Variants in HYPK observed in about 807,000 individuals in gnomAD.
HYPK encodes huntingtin-interacting protein K.
A neutral mutation model predicts 13.9 loss-of-function variants in HYPK; 9 were observed. The ratio of observed to expected loss-of-function variants is 0.65; its 90% CI spans 0.39 to 1.13. HYPK has a LOEUF of 1.13. HYPK is among the 50% of genes most tolerant of loss of function. The probability of loss-of-function intolerance (pLI) is 0.01; values close to 1 mark genes in which losing one functional copy is unlikely to be tolerated. For synonymous variants in HYPK, 76 were observed against 57.0 expected (o/e 1.33, Z -1.50); for missense variants, 138 against 157.6 (o/e 0.88, Z 0.67).
chr15:43,801,676 C>T (rs776739902), intron 3 of HYPK, 35 bp from the exon 4 acceptor site: 2 of 1,611,262 alleles, frequency 1.2e-6, no homozygotes, highest in Non-Finnish European at 1.7e-6. Flanking sequence ...CACATTAATG[C>T]CTGGGAACCT....
chr15:43,800,494 G>A, upstream of HYPK: 1 of 1,273,738 alleles, frequency 7.9e-7, no homozygotes, highest in Non-Finnish European at 1.1e-6. Context: ...CCTCCCTGAA[G>A]CTTCTAGAAC....
In HYPK at chr15:43,801,788, T is replaced by A; in HGVS notation, c.348T>A (p.Leu116=). ...REHMGNVVEA[L]IALTN Reference sequence around the variant, plus strand: ...ACATGGGCAACGTGGTAGAGGCGCTTATTGCCCTAACCAACTGATGCGTGC... The same window carrying A: ...ACATGGGCAACGTGGTAGAGGCGCTAATTGCCCTAACCAACTGATGCGTGC... Residue 116 remains leucine, a synonymous_variant, in exon 4 of 4, where the codon CTT becomes CTA. Coordinates refer to ENST00000442995, the MANE Select transcript of HYPK (RefSeq NM_016400.4). The A allele has an allele frequency of 6.2e-7, 1 of 1,614,212 alleles. No homozygotes were observed.
rs1405197948 is a variant in HYPK at position 43,802,141 on chromosome 15, A to G, written c.*335A>G. ...CATGTGTCTCCAAGACAGCTTATGA[A>G]TATCTAAAAGGCCAGCTACCTGCCT... On this transcript the variant is annotated 3_prime_UTR_variant, in exon 4 of 4. Transcript: ENST00000442995. 1.9e-5 allele frequency: 5 copies of G among 265,480 alleles called. No individual in the cohort carries two copies. Among genetic ancestry groups the G allele is most frequent in the Non-Finnish European group, 3.6e-5 (5 of 136,994 alleles). The allele number at this position is 265,480 out of a possible 1,614,324, so 16.4% of individuals were successfully genotyped here.
Position 43,803,788 on chromosome 15 carries a change from CAAAA to C in HYPK, c.*1999_*2002del, listed in dbSNP as rs35814039. Among the ~76,000 whole-genome samples, 2 of 102,340 alleles carry C rather than the reference CAAAA, an allele frequency of 2.0e-5. No homozygotes were observed. The allele number at this position is 102,340 out of a possible 152,430, so 67.1% of individuals were successfully genotyped here. A position where few individuals can be genotyped will look rare whatever the true frequency, so the allele number is the denominator to read the frequency against. On this transcript the variant is annotated 3_prime_UTR_variant, in exon 4 of 4. Transcript: ENST00000442995. ...GGGCAACAAGAGTGAAACTCCATCT[CAAAA>C]AAAAAAAAAAAAAAAATCAGCTTGG...
chr15:43,802,047 C>T lies in HYPK; in HGVS notation c.*241C>T. 2 of 527,094 alleles carry T rather than the reference C, an allele frequency of 3.8e-6. No individual in the cohort carries two copies. Among genetic ancestry groups the T allele is most frequent in the South Asian group, 4.3e-5 (2 of 46,524 alleles). 32.7% of individuals were successfully genotyped at this position (527,094 alleles called of 1,614,324 possible). A position where few individuals can be genotyped will look rare whatever the true frequency, so the allele number is the denominator to read the frequency against. On this transcript the variant is annotated 3_prime_UTR_variant, in exon 4 of 4. Transcript: ENST00000442995. ...TGCTAGGTGGCAGGCCAGTCTCATTCATCTGACTAGCTCTCAACAGTATTC... is the reference window on the plus strand; with the variant it reads ...TGCTAGGTGGCAGGCCAGTCTCATTTATCTGACTAGCTCTCAACAGTATTC...
intron 2 of HYPK, 40 bp from the exon 3 acceptor site, chr15:43,801,478 G>C: frequency 6.5e-7 from 1 of 1,533,250 alleles, no homozygotes; most frequent in Non-Finnish European, 9.0e-7. Context: ...TTATGGTGTT[G>C]GTTGAGAATG....
upstream of HYPK, chr15:43,800,481 C>T (rs749322184): frequency 3.0e-5 from 35 of 1,165,916 alleles, no homozygotes; most frequent in East Asian, 7.9e-4. Context: ...GACGAACCGC[C>T]TTCCTCCCTG....
Position 43,801,735 on chromosome 15 carries a change from G to A in HYPK, c.295G>A (p.Ala99Thr), listed in dbSNP as rs376158635. The A allele has an allele frequency of 2.7e-5, 44 of 1,614,078 alleles. No homozygotes were observed. The African/African-American group carries it at 4.4e-4, about 16-fold the overall frequency. ...LIMTEMEISR[A>T]AAERSLREHM... ...GATGACTGAGATGGAGATATCTCGA[G>A]CAGCAGCAGAACGCAGTTTGCGGGA... is the stretch of plus-strand genomic sequence containing the variant. The change falls in exon 4 of 4, where the codon GCA becomes ACA. Residue 99 changes from alanine to threonine, a missense_variant. This residue lies in a region of HYPK where 91 missense variants were observed against 96.8 expected (regional missense o/e 0.94). Transcript: ENST00000442995.
In HYPK at chr15:43,802,880, A is replaced by G; in HGVS notation, c.*1074A>G. On this transcript the variant is annotated 3_prime_UTR_variant, in exon 4 of 4. Coordinates refer to ENST00000442995, the MANE Select transcript of HYPK (RefSeq NM_016400.4). ...GGGTGACAGAGCGAGACTGTCTCAA[A>G]AACAAAACAACAAAAAAGAATTTAG... The G allele has an allele frequency of 6.6e-6, 1 of 152,032 alleles. No individual in the cohort carries two copies. Among genetic ancestry groups the G allele is most frequent in the East Asian group, 1.9e-4 (1 of 5,170 alleles). The allele number at this position is 152,032 out of a possible 1,614,324, so 9.4% of individuals were successfully genotyped here. A position where few individuals can be genotyped will look rare whatever the true frequency, so the allele number is the denominator to read the frequency against.
rs16964662 is a variant in HYPK, at chr15:43,801,213, T to C, written c.218+26T>C. 3.2e-3 allele frequency: 5,118 copies of C among 1,596,298 alleles called. 154 individuals are homozygous for C. The African/African-American group carries it at 0.062, about 19-fold the overall frequency. ...GTAAGTCTTCAGGGGCAGCCAACTT[T>C]AACAGTTCTTCCCTCCCCGGTCCCC... On this transcript the variant is annotated intron_variant, in intron 2 of 3. Transcript: ENST00000442995.
chr15:43,800,454 C>T (rs1382113312), upstream of HYPK: 2 of 911,550 alleles, frequency 2.2e-6, no homozygotes, highest in Non-Finnish European at 1.8e-6. Flanking sequence ...TGTACAAACC[C>T]GAAAGGAAGT....
At position 43,801,584 on chromosome 15, in the gene HYPK, CTAACTAGTGTA is replaced by C; in HGVS notation, c.270+17_270+27del. ...TGGAGCTAATAGTGAGTGGTAGTGC[CTAACTAGTGTA>C]TGCGGAGGGGAGGCTATTCTGCTTA... On this transcript the variant is annotated intron_variant, in intron 3 of 3. Transcript: ENST00000442995. The C allele has an allele frequency of 6.2e-7, 1 of 1,612,872 alleles. No individual in the cohort carries two copies.
At position 43,802,001 on chromosome 15, in the gene HYPK, G is replaced by GGGCCGGGCGCGGTGGCTC; in HGVS notation, c.*195_*196insGGCCGGGCGCGGTGGCTC. 1.7e-6 allele frequency: 1 copy of GGGCCGGGCGCGGTGGCTC among 592,176 alleles called. No individual in the cohort carries two copies. The highest frequency in any genetic ancestry group is 3.0e-6 in the Non-Finnish European group (1 of 334,490). 36.7% of individuals were successfully genotyped at this position (592,176 alleles called of 1,614,324 possible). On this transcript the variant is annotated 3_prime_UTR_variant, in exon 4 of 4. Transcript: ENST00000442995. Reference sequence around the variant, plus strand: ...CACACCTGTATGAAAAATCAGTGTAGAAGAATACCTCATGTGCAGATGCTA... The same window carrying GGGCCGGGCGCGGTGGCTC: ...CACACCTGTATGAAAAATCAGTGTAGGGCCGGGCGCGGTGGCTCAAGAATACCTCATGTGCAGATGCTA...
At chr15:43,800,482 T>A (rs375869821), upstream of HYPK, 2 of 1,171,594 alleles carry the variant, frequency 1.7e-6, no homozygotes, top group African/African-American at 3.0e-5. Flanking sequence ...ACGAACCGCC[T>A]TCCTCCCTGA....
chr15:43,801,270 A>C (rs1369840594), intron 2 of HYPK, 83 bp downstream of exon 2: 2 of 1,225,024 alleles, frequency 1.6e-6, no homozygotes, highest in Non-Finnish European at 2.4e-6. Flanking sequence ...TTAAGCCTTT[A>C]TACCGTTCTT....
upstream of HYPK, chr15:43,800,454 C>A (rs1382113312): frequency 2.2e-6 from 2 of 911,668 alleles, no homozygotes; most frequent in Non-Finnish European, 3.5e-6. Flanking sequence ...TGTACAAACC[C>A]GAAAGGAAGT....
chr15:43,801,101 GGT>G, intron 1 of HYPK, 29 bp from the exon 2 acceptor site: 1 of 1,590,982 alleles, frequency 6.3e-7, no homozygotes, highest in Non-Finnish European at 8.6e-7. Flanking sequence ...TGTGGGTAGC[GGT>G]GCAGTAACTA....
At position 43,800,600 on chromosome 15, in the gene HYPK, TGCG is replaced by T. The variant is rs761744977; in HGVS notation, c.-16_-14del. The T allele has an allele frequency of 6.2e-7, 1 of 1,613,720 alleles. No homozygotes were observed. Among genetic ancestry groups the T allele is most frequent in the Non-Finnish European group, 8.5e-7 (1 of 1,179,928 alleles). The stretch of plus-strand genomic sequence containing the variant: ...GGAAGTCGGCGTGAGGTGGGGCTTA[TGCG>T]GCGGCGTGGTGAAATAGATATGGCG... On this transcript the variant is annotated 5_prime_UTR_variant, in exon 1 of 4. Coordinates refer to ENST00000442995, the MANE Select transcript of HYPK (RefSeq NM_016400.4).
Position 43,804,104 on chromosome 15 carries a change from CAA to C in HYPK, c.*2307_*2308del, listed in dbSNP as rs72065548. Among the ~76,000 whole-genome samples the C allele has an allele frequency of 5.4e-5, 8 of 148,060 alleles. No homozygotes were observed. The highest frequency in any genetic ancestry group is 2.0e-4 in the African/African-American group (8 of 40,704). On this transcript the variant is annotated 3_prime_UTR_variant, in exon 4 of 4. Transcript: ENST00000442995. ...CGTCTCTTTAAAACAAACAAACAAA[CAA>C]AAAAAAAACCCTGCAACGGCCCCTG... is the stretch of plus-strand genomic sequence containing the variant.
Sources: allele counts gnomAD v4.1 joint callset (sites outside exome capture counted in the v4.1 genomes callset), GRCh38; gene constraint gnomAD v4.1.1; regional missense constraint gnomAD v4.1.1; transcripts MANE v1.5; gene names NCBI Gene and HGNC (gene_info 2026-07-23, HGNC 2026-07-21).